The following ANKRD13B variants were observed in gnomAD, a reference collection of about 807,000 sequenced individuals.
ANKRD13B encodes the protein ankyrin repeat domain-containing protein 13B.
Under a neutral mutation model 74.4 loss-of-function variants are expected in ANKRD13B, and 33 were observed. The ratio of observed to expected loss-of-function variants is 0.44; its 90% confidence interval spans 0.34 to 0.59. ANKRD13B has a LOEUF of 0.59. Ranked by LOEUF, ANKRD13B falls within the 20% of genes least tolerant of loss-of-function variation. ANKRD13B has a pLI of 0.02. For synonymous variants in ANKRD13B, 341 were observed against 362.9 expected, an observed-to-expected ratio of 0.94 and a Z score of 0.68; for missense variants, 676 against 877.9, an observed-to-expected ratio of 0.77 and a Z score of 2.91.
At chr17:29,613,329 C>T in intron 14 of ANKRD13B, 25 bp from the exon 15 acceptor site, 1 of 1,408,548 alleles carries the variant, frequency 7.1e-7, no homozygotes, top group East Asian at 2.9e-5. Flanking sequence ...CCCGGGAGCC[C>T]GCGACATTCC....
At position 29,606,593 on chromosome 17, in the gene ANKRD13B, C is replaced by G. The variant is rs143448815; in HGVS notation, c.115-1149C>G. 6.4e-3 allele frequency among the ~76,000 whole-genome samples: 978 copies of G among 151,728 alleles called. 32 individuals are homozygous for G. The highest frequency in any genetic ancestry group is 0.051 in the Admixed American group (776 of 15,222). ...CAAACAAACAAACAAACAAAACTTA[C>G]GTTTAACAAACATGCTTTCTAAGCC... On this transcript the variant is annotated intron_variant, in intron 1 of 14. Coordinates refer to ENST00000394859, the MANE Select transcript of ANKRD13B (RefSeq NM_152345.5).
At position 29,612,454 on chromosome 17, in the gene ANKRD13B, C is replaced by G; in HGVS notation, c.1311C>G (p.Asn437Lys). Reference protein sequence around the residue: ...LNARITFGNLNGCDEPVPSVR... With the variant: ...LNARITFGNLKGCDEPVPSVR... ...CCCGCATCACCTTCGGGAACCTCAACGGCTGCGACGAACCGGTGCCATCGG... is the reference window on the plus strand; with the variant it reads ...CCCGCATCACCTTCGGGAACCTCAAGGGCTGCGACGAACCGGTGCCATCGG... Residue 437 changes from asparagine to lysine, a missense_variant, in exon 12 of 15, where the codon AAC becomes AAG. Asn to Lys is a moderately conservative substitution (Grantham distance 94, BLOSUM62 0). Coordinates refer to ENST00000394859, the MANE Select transcript of ANKRD13B (RefSeq NM_152345.5). This position sits in a 1 kb window ranked among gnomAD's most constrained non-coding sequence, Gnocchi z 6.1. 6.2e-7 allele frequency: 1 copy of G among 1,606,876 alleles called. No individual in the cohort carries two copies. The highest frequency in any genetic ancestry group is 8.5e-7 in the Non-Finnish European group (1 of 1,176,704).
chr17:29,608,106 G>A lies in ANKRD13B; in HGVS notation c.371G>A (p.Arg124His), dbSNP rs922809190. The A allele has an allele frequency of 8.7e-6, 14 of 1,612,992 alleles. No homozygotes were observed. The highest frequency in any genetic ancestry group is 6.7e-5 in the Admixed American group (4 of 59,898). Reference sequence around the variant, plus strand: ...ATCCCCGTGCTCCTGGAGAAGCTGCGCAAGGTGAGGCCCAGCCTCTCAGCC... The same window carrying A: ...ATCCCCGTGCTCCTGGAGAAGCTGCACAAGGTGAGGCCCAGCCTCTCAGCC... ...AGIPVLLEKL[R>H]KAQDFYVEMK... The change falls in exon 3 of 15, where the codon CGC becomes CAC. Residue 124 changes from arginine to histidine, a missense_variant. This residue lies in a region of ANKRD13B where 328 missense variants were observed against 518.4 expected (regional missense o/e 0.63). Transcript: ENST00000394859. This position sits in a 1 kb window ranked among gnomAD's most constrained non-coding sequence, Gnocchi z 6.4.
In ANKRD13B at chr17:29,613,655, T is replaced by A; in HGVS notation, c.*73T>A. The A allele has an allele frequency of 7.3e-7, 1 of 1,373,396 alleles. No individual in the cohort carries two copies. Among genetic ancestry groups the A allele is most frequent in the Non-Finnish European group, 9.4e-7 (1 of 1,067,808 alleles). The allele number at this position is 1,373,396 out of a possible 1,614,324, so 85.1% of individuals were successfully genotyped here. A position where few individuals can be genotyped will look rare whatever the true frequency, so the allele number is the denominator to read the frequency against. On this transcript the variant is annotated 3_prime_UTR_variant, in exon 15 of 15. Coordinates refer to ENST00000394859, the MANE Select transcript of ANKRD13B (RefSeq NM_152345.5). ...GCCAGGAGCCAGACAAACCCCGGCC[T>A]GCGCGCCTGCAGAGCGGCGGCTGGA...
chr17:29,608,740 A>G lies in ANKRD13B; in HGVS notation c.422-111A>G. On this transcript the variant is annotated intron_variant, in intron 4 of 14. Transcript: ENST00000394859. This position sits in a 1 kb window ranked among gnomAD's most constrained non-coding sequence, Gnocchi z 6.4. ...TTGGAGGAGAGGCTGCTCTCTCTTC[A>G]GTTCCCTCCCCTGTTCCTGGCCACA... is the stretch of plus-strand genomic sequence containing the variant. The G allele has an allele frequency of 7.0e-7, 1 of 1,426,048 alleles. No homozygotes were observed. Among genetic ancestry groups the G allele is most frequent in the Non-Finnish European group, 9.5e-7 (1 of 1,052,210 alleles). 88.3% of individuals were successfully genotyped at this position (1,426,048 alleles called of 1,614,324 possible). A position where few individuals can be genotyped will look rare whatever the true frequency, so the allele number is the denominator to read the frequency against.
chr17:29,613,630 G>T lies in ANKRD13B; in HGVS notation c.*48G>T. 1 of 1,389,880 alleles carries T rather than the reference G, an allele frequency of 7.2e-7. No homozygotes were observed. Among genetic ancestry groups the T allele is most frequent in the Non-Finnish European group, 9.3e-7 (1 of 1,074,628 alleles). The allele number at this position is 1,389,880 out of a possible 1,614,324, so 86.1% of individuals were successfully genotyped here. On this transcript the variant is annotated 3_prime_UTR_variant, in exon 15 of 15. Transcript: ENST00000394859. Reference sequence around the variant, plus strand: ...CAGCGCCACGCGCGCCACGCCCAGGGCCAGGAGCCAGACAAACCCCGGCCT... The same window carrying T: ...CAGCGCCACGCGCGCCACGCCCAGGTCCAGGAGCCAGACAAACCCCGGCCT...
At chr17:29,610,352 A>G (rs1427353837) in intron 7 of ANKRD13B, among the ~76,000 whole-genome samples, 1 of 152,046 alleles carries the variant, frequency 6.6e-6, no homozygotes, top group Admixed American at 6.6e-5. Flanking sequence ...TGCTACCCCC[A>G]CCAGTGCATG....
At chr17:29,596,965 G>A (rs1220073506) in intron 1 of ANKRD13B, among the ~76,000 whole-genome samples, 1 of 152,146 alleles carries the variant, frequency 6.6e-6, no homozygotes, top group Admixed American at 6.5e-5. Context: ...GGCCTCCTAC[G>A]CAGCTTGAGG....
At chr17:29,610,840 C>A in intron 8 of ANKRD13B, 74 bp downstream of exon 8, 1 of 1,421,182 alleles carries the variant, frequency 7.0e-7, no homozygotes, top group Non-Finnish European at 9.8e-7. Context: ...GTGCTTCCAT[C>A]AGTATTCCCA....
intron 1 of ANKRD13B, among the ~76,000 whole-genome samples, chr17:29,604,544 TTTC>T (rs1451464075): frequency 6.9e-6 from 1 of 145,948 alleles, no homozygotes; most frequent in African/African-American, 2.7e-5. Flanking sequence ...TTTCTTTTCT[TTTC>T]TTTTTTTTTT....
chr17:29,607,907 A>G, intron 2 of ANKRD13B, 30 bp downstream of exon 2: 1 of 1,579,762 alleles, frequency 6.3e-7, no homozygotes, highest in Non-Finnish European at 8.6e-7. Context: ...CCAGCCCCAC[A>G]GCCGGGGCCT....
At chr17:29,596,716 A>G (rs1023936547) in intron 1 of ANKRD13B, among the ~76,000 whole-genome samples, 6 of 152,076 alleles carry the variant, frequency 3.9e-5, no homozygotes, top group Non-Finnish European at 8.8e-5. Flanking sequence ...GGCAGGGGAG[A>G]TGGGTTGTGG....
chr17:29,594,410 G>A (rs1420185573), intron 1 of ANKRD13B, among the ~76,000 whole-genome samples: 6 of 152,228 alleles, frequency 3.9e-5, no homozygotes, highest in East Asian at 1.9e-4. Context: ...AAGGACTTGA[G>A]GTTCTGCGCA....
At position 29,613,861 on chromosome 17, in the gene ANKRD13B, T is replaced by TCCTA; in HGVS notation, c.*280_*283dup. On this transcript the variant is annotated 3_prime_UTR_variant, in exon 15 of 15. Coordinates refer to ENST00000394859, the MANE Select transcript of ANKRD13B (RefSeq NM_152345.5). ...CTCCCCTGGGCTCAGATCTGTCCTG[T>TCCTA]CCTAGGGCGGAGCCAGGCGGTCCTG... 1 of 446,002 alleles carries TCCTA rather than the reference T, an allele frequency of 2.2e-6. No homozygotes were observed. The highest frequency in any genetic ancestry group is 3.9e-6 in the Non-Finnish European group (1 of 259,338). 27.6% of individuals were successfully genotyped at this position (446,002 alleles called of 1,614,324 possible). A position where few individuals can be genotyped will look rare whatever the true frequency, so the allele number is the denominator to read the frequency against.
At chr17:29,597,899 A>T (rs117566858) in intron 1 of ANKRD13B, among the ~76,000 whole-genome samples, 4 of 152,098 alleles carry the variant, frequency 2.6e-5, no homozygotes, top group Non-Finnish European at 5.9e-5. Context: ...CCTGGAGCTG[A>T]GGCACCTGAT....
chr17:29,600,996 C>T (rs1324303824), intron 1 of ANKRD13B, among the ~76,000 whole-genome samples: 3 of 142,570 alleles, frequency 2.1e-5, no homozygotes, highest in African/African-American at 8.0e-5. Context: ...ATGATCTCTG[C>T]TCACTGCAAC....
chr17:29,613,712 C>T lies in ANKRD13B; in HGVS notation c.*130C>T. ...AGCCACCGCCTCGCGGGTGCAGCAGCACAGCAGGCACGGTTCGGGGAGGGA... is the reference window on the plus strand; with the variant it reads ...AGCCACCGCCTCGCGGGTGCAGCAGTACAGCAGGCACGGTTCGGGGAGGGA... On this transcript the variant is annotated 3_prime_UTR_variant, in exon 15 of 15. Coordinates refer to ENST00000394859, the MANE Select transcript of ANKRD13B (RefSeq NM_152345.5). 1 of 1,334,460 alleles carries T rather than the reference C, an allele frequency of 7.5e-7. No individual in the cohort carries two copies. The highest frequency in any genetic ancestry group is 3.8e-5 in the Admixed American group (1 of 26,174). The allele number at this position is 1,334,460 out of a possible 1,614,324, so 82.7% of individuals were successfully genotyped here.
chr17:29,606,402 A>G (rs2034377191), intron 1 of ANKRD13B, among the ~76,000 whole-genome samples: 2 of 151,576 alleles, frequency 1.3e-5, no homozygotes, highest in Non-Finnish European at 2.9e-5. Flanking sequence ...CTACTAAAAT[A>G]CAAAAATTAG....
intron 1 of ANKRD13B, among the ~76,000 whole-genome samples, chr17:29,600,729 G>A (rs956738776): frequency 6.6e-6 from 1 of 151,500 alleles, no homozygotes; most frequent in African/African-American, 2.4e-5. Flanking sequence ...CACCTTTCAG[G>A]GGGGCTGGGG....
Sources: allele counts gnomAD v4.1 joint callset (sites outside exome capture counted in the v4.1 genomes callset), GRCh38; gene constraint gnomAD v4.1.1; regional missense constraint gnomAD v4.1.1; non-coding constraint Gnocchi (gnomAD v3.1); transcripts MANE v1.5; gene names NCBI Gene and HGNC (gene_info 2026-07-23, HGNC 2026-07-21).